The following TBC1D9 variants were observed in gnomAD, a reference collection of about 807,000 sequenced individuals.
The protein encoded by TBC1D9 is TBC1 domain family member 9A.
A neutral mutation model predicts 132.0 loss-of-function variants in TBC1D9; 63 were observed. The ratio of observed to expected loss-of-function variants is 0.48; its 90% CI spans 0.39 to 0.59. TBC1D9 has a LOEUF of 0.59. Among genes scored for constraint, TBC1D9 ranks in the 20% least tolerant of loss-of-function variants. The probability of loss-of-function intolerance (pLI) is 0.00; values close to 1 mark genes in which losing one functional copy is unlikely to be tolerated. For missense variants in TBC1D9, 1,261 were observed against 1,592.7 expected (o/e 0.79, Z 3.54); for synonymous variants, 610 against 609.9 (o/e 1.00, Z 0.00).
chr4:140,700,519 G>A (rs1738050534), intron 2 of TBC1D9, among the ~76,000 whole-genome samples: 1 of 151,572 alleles, frequency 6.6e-6, no homozygotes, highest in African/African-American at 2.4e-5. Flanking sequence ...ATAAAAGCAA[G>A]ATTAAAAAAA....
At chr4:140,639,464 C>T (rs909085895) in intron 13 of TBC1D9, 36 bp from the exon 14 acceptor site, 3 of 1,440,776 alleles carry the variant, frequency 2.1e-6, no homozygotes, top group Non-Finnish European at 2.9e-6. Flanking sequence ...CTGAAAAAAT[C>T]TCTTACAGCA....
At chr4:140,719,915 G>A (rs59351719) in intron 1 of TBC1D9, among the ~76,000 whole-genome samples, 120 of 152,270 alleles carry the variant, frequency 7.9e-4, no homozygotes, top group African/African-American at 2.8e-3. Flanking sequence ...AAGAACCTGG[G>A]TGGAATCCCT....
chr4:140,690,197 A>G (rs1365137976), intron 2 of TBC1D9, among the ~76,000 whole-genome samples: 2 of 152,216 alleles, frequency 1.3e-5, no homozygotes, highest in South Asian at 2.1e-4. Context: ...TATAGTCCAC[A>G]GGCTAATTGT....
At chr4:140,657,273 C>T in intron 12 of TBC1D9, 47 bp from the exon 13 acceptor site, 1 of 1,592,016 alleles carries the variant, frequency 6.3e-7, no homozygotes, top group Non-Finnish European at 8.5e-7. Flanking sequence ...AACTGGAATC[C>T]TCCCATTATA....
chr4:140,741,048 G>A (rs1445502428), intron 1 of TBC1D9, among the ~76,000 whole-genome samples: 1 of 152,192 alleles, frequency 6.6e-6, no homozygotes, highest in Non-Finnish European at 1.5e-5. Flanking sequence ...AGGAAGAATA[G>A]AGCAGGGTGG....
chr4:140,729,365 T>TATGAAA (rs750732056), intron 1 of TBC1D9, among the ~76,000 whole-genome samples: 2 of 152,180 alleles, frequency 1.3e-5, no homozygotes, highest in Non-Finnish European at 2.9e-5. Flanking sequence ...ATTCTGATGA[T>TATGAAA]ATGAAAATGA....
chr4:140,643,402 C>T (rs200475072), intron 13 of TBC1D9: 1 of 1,090,102 alleles, frequency 9.2e-7, no homozygotes. Flanking sequence ...ATGGCCACCT[C>T]CATGCCAGCC....
rs776524124 is a variant in TBC1D9 at position 140,659,576 on chromosome 4, A to T, written c.1921+12T>A. ...AGACATAGGTTGAAATGTTAAATGCATCTCCACTTACCCACAACTCTGGTG... is the reference window on the plus strand; with the variant it reads ...AGACATAGGTTGAAATGTTAAATGCTTCTCCACTTACCCACAACTCTGGTG... On this transcript the variant is annotated intron_variant, in intron 11 of 20. Coordinates refer to ENST00000442267, the MANE Select transcript of TBC1D9 (RefSeq NM_015130.3). 2.6e-6 allele frequency: 4 copies of T among 1,552,204 alleles called. No individual in the cohort carries two copies. The highest frequency in any genetic ancestry group is 1.9e-5 in the Admixed American group (1 of 53,394).
At chr4:140,754,182 A>C (rs1738967984) in intron 1 of TBC1D9, among the ~76,000 whole-genome samples, 1 of 152,182 alleles carries the variant, frequency 6.6e-6, no homozygotes, top group Non-Finnish European at 1.5e-5. Flanking sequence ...GAATCCCTGA[A>C]TTTTTCACAT....
intron 1 of TBC1D9, among the ~76,000 whole-genome samples, chr4:140,713,483 T>A (rs767795684): frequency 1.3e-5 from 2 of 152,128 alleles, no homozygotes; most frequent in Non-Finnish European, 2.9e-5. Flanking sequence ...TGGACTGTAA[T>A]CCCAGGACTT....
intron 13 of TBC1D9, chr4:140,643,661 C>T (rs1737049209): frequency 9.0e-7 from 1 of 1,113,230 alleles, no homozygotes; most frequent in Non-Finnish European, 1.3e-6. Flanking sequence ...CCTCCTTGGC[C>T]TCCACTAGCG....
At chr4:140,680,532 T>G (rs1158357164) in intron 3 of TBC1D9, among the ~76,000 whole-genome samples, 1 of 152,210 alleles carries the variant, frequency 6.6e-6, no homozygotes, top group Non-Finnish European at 1.5e-5. Context: ...GAAAATTGGC[T>G]TCTACATATA....
chr4:140,633,906 C>T (rs371755343), intron 16 of TBC1D9, 42 bp downstream of exon 16: 141 of 1,606,106 alleles, frequency 8.8e-5, no homozygotes, highest in Non-Finnish European at 1.2e-4. Context: ...GGCACAACTC[C>T]AGCATCCCAT....
intron 6 of TBC1D9, among the ~76,000 whole-genome samples, chr4:140,671,382 T>C (rs1390313177): frequency 6.6e-6 from 1 of 152,208 alleles, no homozygotes; most frequent in Non-Finnish European, 1.5e-5. Flanking sequence ...GAAACCTTGC[T>C]ATAAAGGAAT....
chr4:140,655,537 G>C (rs995001885), intron 13 of TBC1D9, among the ~76,000 whole-genome samples: 1 of 152,144 alleles, frequency 6.6e-6, no homozygotes, highest in African/African-American at 2.4e-5. Flanking sequence ...GAATACTCAG[G>C]CTTTCTCAGT....
At chr4:140,653,269 T>C (rs6849401) in intron 13 of TBC1D9, among the ~76,000 whole-genome samples, 69,180 of 152,072 alleles carry the variant, frequency 0.45, 15,905 homozygotes, top group Middle Eastern at 0.53. Context: ...TGAATGTGCT[T>C]TCAGTATTTC....
intron 1 of TBC1D9, among the ~76,000 whole-genome samples, chr4:140,734,275 C>T (rs368345947): frequency 6.8e-4 from 103 of 152,232 alleles, no homozygotes; most frequent in African/African-American, 2.2e-3. Context: ...ACCACTGGCA[C>T]GTGTCACCAC....
intron 2 of TBC1D9, among the ~76,000 whole-genome samples, chr4:140,698,280 T>G (rs991046103): frequency 2.6e-5 from 4 of 152,078 alleles, no homozygotes; most frequent in Non-Finnish European, 4.4e-5. Flanking sequence ...AGTCCCAGCT[T>G]CCTCTTCCTT....
chr4:140,683,598 A>T (rs1316589469), intron 3 of TBC1D9, among the ~76,000 whole-genome samples: 1 of 152,268 alleles, frequency 6.6e-6, no homozygotes, highest in Non-Finnish European at 1.5e-5. Flanking sequence ...GCAAAAGAAT[A>T]TTAACAGGTA....
Sources: gnomAD v4.1 joint callset for allele counts (sites outside exome capture counted in the v4.1 genomes callset) on GRCh38, gnomAD v4.1.1 for gene constraint, MANE v1.5 for transcripts, NCBI Gene and HGNC (gene_info 2026-07-23, HGNC 2026-07-21) for gene names.